EIF2S1: variants seen among roughly 807,000 people sequenced by gnomAD.
EIF2S1 encodes the protein eukaryotic translation initiation factor 2 subunit 1.
In EIF2S1, 5 loss-of-function variants were observed where a neutral mutation model predicts 33.5. The observed-to-expected ratio is 0.15, with a 90% CI of 0.08 to 0.31. The LOEUF is 0.31. Among genes scored for constraint, EIF2S1 ranks in the 10% least tolerant of loss-of-function variants. The pLI is 1.00. For missense variants in EIF2S1, 191 were observed against 384.6 expected (o/e 0.50, Z 4.21); for synonymous variants, 99 against 127.5 (o/e 0.78, Z 1.51).
chr14:67,365,457 A>G (rs1008002491), intron 2 of EIF2S1, among the ~76,000 whole-genome samples: 5 of 152,254 alleles, frequency 3.3e-5, no homozygotes, highest in Non-Finnish European at 7.3e-5. Flanking sequence ...TGAAAAAGCA[A>G]TATACTATGC....
chr14:67,369,579 A>G (rs753734463), intron 2 of EIF2S1, among the ~76,000 whole-genome samples: 2 of 152,196 alleles, frequency 1.3e-5, no homozygotes, highest in Non-Finnish European at 2.9e-5. Flanking sequence ...CTATAATATT[A>G]ATACAACTCT....
chr14:67,366,408 G>A (rs1253079291), intron 2 of EIF2S1, among the ~76,000 whole-genome samples: 2 of 152,242 alleles, frequency 1.3e-5, no homozygotes, highest in Non-Finnish European at 2.9e-5. Context: ...ACAAAAGGAG[G>A]AATCAAATAT....
In EIF2S1 at chr14:67,385,178, G is replaced by T. The variant is rs562373550; in HGVS notation, c.*1738G>T. On this transcript the variant is annotated 3_prime_UTR_variant, in exon 8 of 8. Coordinates refer to ENST00000256383, the MANE Select transcript of EIF2S1 (RefSeq NM_004094.5). The stretch of plus-strand genomic sequence containing the variant: ...GGAAAAGAACAAACAAAACTTAAAA[G>T]TATTCATACACCTTGCTAACCTAAA... The T allele has an allele frequency of 6.6e-6, 1 of 152,156 alleles. No individual in the cohort carries two copies. The highest frequency in any genetic ancestry group is 2.4e-5 in the African/African-American group (1 of 41,416). 9.4% of individuals were successfully genotyped at this position (152,156 alleles called of 1,614,324 possible).
At chr14:67,373,364 A>T (rs2085836807) in intron 2 of EIF2S1, among the ~76,000 whole-genome samples, 1 of 152,208 alleles carries the variant, frequency 6.6e-6, no homozygotes, top group African/African-American at 2.4e-5. Flanking sequence ...TCAGAATCTG[A>T]AATAAAATCA....
chr14:67,376,887 T>G (rs1284021418), intron 4 of EIF2S1, among the ~76,000 whole-genome samples: 2 of 152,226 alleles, frequency 1.3e-5, no homozygotes, highest in Non-Finnish European at 2.9e-5. Flanking sequence ...TTGTTTTCTC[T>G]ACCTCTTTTG....
chr14:67,364,970 A>T lies in EIF2S1; in HGVS notation c.203A>T (p.Asn68Ile). ...SINKLIRIGR[N>I]ECVVVIRVDK... ...AACAAACTCATCCGAATTGGCAGGAATGAGTGTGTGGTTGTCATTAGGGTG... is the reference window on the plus strand; with the variant it reads ...AACAAACTCATCCGAATTGGCAGGATTGAGTGTGTGGTTGTCATTAGGGTG... Residue 68 changes from asparagine to isoleucine, a missense_variant, in exon 2 of 8, where the codon AAT (asparagine) becomes ATT (isoleucine). Coordinates refer to ENST00000256383, the MANE Select transcript of EIF2S1 (RefSeq NM_004094.5). 1 of 1,613,970 alleles carries T rather than the reference A, an allele frequency of 6.2e-7. No individual in the cohort carries two copies. The highest frequency in any genetic ancestry group is 8.5e-7 in the Non-Finnish European group (1 of 1,179,890).
chr14:67,360,790 C>T (rs767118353), intron 1 of EIF2S1: 1 of 152,268 alleles, frequency 6.6e-6, no homozygotes, highest in African/African-American at 2.4e-5. Context: ...CACCGTAACT[C>T]TTAACCCCGG....
chr14:67,372,841 AAAAC>A (rs1230959608), intron 2 of EIF2S1, among the ~76,000 whole-genome samples: 8 of 152,182 alleles, frequency 5.3e-5, no homozygotes, highest in Non-Finnish European at 8.8e-5. Flanking sequence ...AAAAAAACAA[AAAAC>A]AAACAAAAAA....
Position 67,383,942 on chromosome 14 carries a change from G to C in EIF2S1, c.*502G>C, listed in dbSNP as rs1344712809. On this transcript the variant is annotated 3_prime_UTR_variant, in exon 8 of 8. Coordinates refer to ENST00000256383, the MANE Select transcript of EIF2S1 (RefSeq NM_004094.5). ...ATTCTTTTATCTTTATTTTAGTCTT[G>C]ATGTGGAACTGTAGGAGCAGGTGAA... 2.2e-5 allele frequency: 4 copies of C among 179,294 alleles called. No individual in the cohort carries two copies. The highest frequency in any genetic ancestry group is 4.8e-5 in the Non-Finnish European group (4 of 84,056). 11.1% of individuals were successfully genotyped at this position (179,294 alleles called of 1,614,324 possible).
intron 2 of EIF2S1, among the ~76,000 whole-genome samples, chr14:67,371,761 G>T (rs2085823295): frequency 6.6e-6 from 1 of 152,204 alleles, no homozygotes; most frequent in South Asian, 2.1e-4. Context: ...GAAATGTTAT[G>T]CAGTGCATGA....
At chr14:67,379,748 G>A (rs1012938361) in intron 4 of EIF2S1, among the ~76,000 whole-genome samples, 4 of 132,402 alleles carry the variant, frequency 3.0e-5, no homozygotes, top group Non-Finnish European at 6.0e-5. Flanking sequence ...TCCGCCTCCC[G>A]GGTTCACACC....
In EIF2S1 at chr14:67,385,529, T is replaced by C. The variant is rs1427855315; in HGVS notation, c.*2089T>C. ...TTTCATCTACTCCCTACTGTACCTT[T>C]CACTGATGTCAAGTGGCTATCAATT... On this transcript the variant is annotated 3_prime_UTR_variant, in exon 8 of 8. Coordinates refer to ENST00000256383, the MANE Select transcript of EIF2S1 (RefSeq NM_004094.5). 6.6e-6 allele frequency: 1 copy of C among 152,064 alleles called. No homozygotes were observed. Among genetic ancestry groups the C allele is most frequent in the Admixed American group, 6.5e-5 (1 of 15,268 alleles). 9.4% of individuals were successfully genotyped at this position (152,064 alleles called of 1,614,324 possible).
At chr14:67,361,635 T>TCCTAC (rs1369105140) in intron 1 of EIF2S1, among the ~76,000 whole-genome samples, 1 of 152,232 alleles carries the variant, frequency 6.6e-6, no homozygotes, top group East Asian at 1.9e-4. Context: ...GAGAAAGAAG[T>TCCTAC]CCTACCTACC....
chr14:67,374,283 G>A (rs2085844848), intron 2 of EIF2S1, among the ~76,000 whole-genome samples, 185 bp from the exon 3 acceptor site: 2 of 152,090 alleles, frequency 1.3e-5, no homozygotes, highest in African/African-American at 4.8e-5. Context: ...AACACTTTTG[G>A]TCCCAAGCAT....
At position 67,375,232 on chromosome 14, in the gene EIF2S1, CTGTGTGTGTGTGTGTG is replaced by C. The variant is rs3067321; in HGVS notation, c.321+721_321+736del. 2.2e-3 allele frequency among the ~76,000 whole-genome samples: 302 copies of C among 137,670 alleles called. 2 individuals carry two copies. Among genetic ancestry groups the C allele is most frequent in the African/African-American group, 5.5e-3 (202 of 36,892 alleles). The allele number at this position is 137,670 out of a possible 152,430, so 90.3% of individuals were successfully genotyped here. A position where few individuals can be genotyped will look rare whatever the true frequency, so the allele number is the denominator to read the frequency against. ...TCCTTCATCCTCTACATCCTCAGTTCTGTGTGTGTGTGTGTGTGTGTGTGTGTGTGTGTGTGTGTGT... is the reference window on the plus strand; with the variant it reads ...TCCTTCATCCTCTACATCCTCAGTTCTGTGTGTGTGTGTGTGTGTGTGTGT... On this transcript the variant is annotated intron_variant, in intron 3 of 7. Transcript: ENST00000256383.
chr14:67,383,132 A>G (rs984424320), intron 7 of EIF2S1, among the ~76,000 whole-genome samples, 183 bp from the exon 8 acceptor site: 7 of 152,194 alleles, frequency 4.6e-5, no homozygotes, highest in Non-Finnish European at 1.0e-4. Flanking sequence ...TACTATTCTC[A>G]TAAGTTTCAC....
At chr14:67,360,716 C>G (rs920272901) in intron 1 of EIF2S1, 1 of 152,982 alleles carries the variant, frequency 6.5e-6, no homozygotes, top group Non-Finnish European at 1.5e-5. Flanking sequence ...GATTGTACAG[C>G]CTCTACAATA....
At chr14:67,370,079 C>T (rs984149680) in intron 2 of EIF2S1, among the ~76,000 whole-genome samples, 12 of 152,220 alleles carry the variant, frequency 7.9e-5, no homozygotes, top group Non-Finnish European at 1.0e-4. Context: ...AGGGATGGGC[C>T]GAATTAATTG....
intron 6 of EIF2S1, among the ~76,000 whole-genome samples, 184 bp downstream of exon 6, chr14:67,381,874 T>G (rs990912404): frequency 2.0e-5 from 3 of 152,198 alleles, no homozygotes; most frequent in Non-Finnish European, 2.9e-5. Flanking sequence ...TTAGGCTTTG[T>G]TGGTTTCTAC....
Sources: allele counts gnomAD v4.1 joint callset (sites outside exome capture counted in the v4.1 genomes callset), GRCh38; gene constraint gnomAD v4.1.1; transcripts MANE v1.5; gene names NCBI Gene and HGNC (gene_info 2026-07-23, HGNC 2026-07-21).